The following ARHGAP29 variants were observed in gnomAD, a reference collection of about 807,000 sequenced individuals.
ARHGAP29 encodes Rho GTPase activating protein 29.
A neutral mutation model predicts 122.6 loss-of-function variants in ARHGAP29; 43 were observed. That is an observed-to-expected ratio of 0.35 (90% CI 0.27 to 0.45). The LOEUF (loss-of-function observed/expected upper bound fraction) is 0.45, where lower values mean the gene tolerates loss of function less well. Ranked by LOEUF, ARHGAP29 falls within the 20% of genes least tolerant of loss-of-function variation. The probability of loss-of-function intolerance (pLI) is 1.00; values close to 1 mark genes in which losing one functional copy is unlikely to be tolerated. For synonymous variants in ARHGAP29, 506 were observed against 497.1 expected, an observed-to-expected ratio of 1.02 and a Z score of -0.24; for missense variants, 1,303 against 1,477.2, an observed-to-expected ratio of 0.88 and a Z score of 1.93.
Position 94,209,353 on chromosome 1 carries a change from G to A in ARHGAP29, c.341-3C>T. 1.3e-6 allele frequency: 2 copies of A among 1,587,796 alleles called. No individual in the cohort carries two copies. The highest frequency in any genetic ancestry group is 1.1e-5 in the South Asian group (1 of 87,652). On this transcript the variant is annotated splice_polypyrimidine_tract_variant and splice_region_variant and intron_variant, in intron 3 of 22. Transcript: ENST00000260526. Reference sequence around the variant, plus strand: ...ATTAACTTCTGTGAAGTTCACAGCTGTAAGGAAAAGTTGGTTACAATAAGG... The same window carrying A: ...ATTAACTTCTGTGAAGTTCACAGCTATAAGGAAAAGTTGGTTACAATAAGG...
At chr1:94,304,959 C>A in the ARHGAP29 span, among the ~76,000 whole-genome samples, 40 of 152,302 alleles carry the variant, frequency 2.6e-4, no homozygotes, top group African/African-American at 9.1e-4. Flanking sequence ...TTGCTGATTA[C>A]ATTCTGAGAA....
At position 94,171,519 on chromosome 1, in the gene ARHGAP29, C is replaced by T. The variant is rs149403322; in HGVS notation, c.*2350G>A. On this transcript the variant is annotated 3_prime_UTR_variant, in exon 23 of 23. Coordinates refer to ENST00000260526, the MANE Select transcript of ARHGAP29 (RefSeq NM_004815.4). ...TGCTGTTGCCCTTTCCTTTTGGTCA[C>T]GTATCTTTCCATGTTGCAAAAAACA... Among the ~76,000 whole-genome samples the T allele has an allele frequency of 2.0e-5, 3 of 152,240 alleles. No individual in the cohort carries two copies. The highest frequency in any genetic ancestry group is 3.9e-4 in the East Asian group (2 of 5,170).
the ARHGAP29 span, among the ~76,000 whole-genome samples, chr1:94,303,343 G>A: frequency 5.9e-5 from 9 of 152,208 alleles, no homozygotes; most frequent in Non-Finnish European, 1.3e-4. Context: ...TGCAACTTAT[G>A]TGAAATGCCC....
chr1:94,202,380 A>G (rs536936642), intron 11 of ARHGAP29, 164 bp downstream of exon 11: 84 of 759,250 alleles, frequency 1.1e-4, no homozygotes, highest in South Asian at 6.6e-4. Flanking sequence ...CTGAGAGCCT[A>G]TTAAAAAATG....
At chr1:94,219,763 T>C (rs1050712402) in intron 3 of ARHGAP29, among the ~76,000 whole-genome samples, 7 of 152,218 alleles carry the variant, frequency 4.6e-5, no homozygotes, top group African/African-American at 7.2e-5. Context: ...TTAGCACATA[T>C]ATGCTATAGA....
At chr1:94,176,229 C>T (rs1649081564) in intron 22 of ARHGAP29, among the ~76,000 whole-genome samples, 1 of 152,218 alleles carries the variant, frequency 6.6e-6, no homozygotes, top group Non-Finnish European at 1.5e-5. Flanking sequence ...TATCACTGTC[C>T]TATGTGTCTT....
chr1:94,238,678 G>A (rs1185154279), upstream of ARHGAP29, among the ~76,000 whole-genome samples: 1 of 152,098 alleles, frequency 6.6e-6, no homozygotes, highest in Non-Finnish European at 1.5e-5. Flanking sequence ...GAAAGAAAAT[G>A]AGGTGCAGAC....
chr1:94,237,036 C>T (rs1653318281), intron 1 of ARHGAP29, among the ~76,000 whole-genome samples: 1 of 152,204 alleles, frequency 6.6e-6, no homozygotes, highest in Non-Finnish European at 1.5e-5. Flanking sequence ...CCGAGTCGAA[C>T]AATCATGGAG....
intron 8 of ARHGAP29, 98 bp downstream of exon 8, chr1:94,203,832 C>A: frequency 1.0e-6 from 1 of 957,638 alleles, no homozygotes; most frequent in Non-Finnish European, 1.6e-6. Flanking sequence ...CATTTAAGTG[C>A]TTTCCTATAT....
intron 1 of ARHGAP29, among the ~76,000 whole-genome samples, chr1:94,259,892 C>G (rs1369296364): frequency 6.6e-6 from 1 of 152,178 alleles, no homozygotes; most frequent in Non-Finnish European, 1.5e-5. Context: ...TCAAAGCTCC[C>G]AAGTCAAAAG....
the ARHGAP29 span, among the ~76,000 whole-genome samples, chr1:94,284,037 T>G: frequency 2.6e-5 from 4 of 151,944 alleles, no homozygotes; most frequent in South Asian, 8.3e-4. Context: ...CCAATCTATT[T>G]CTTCTTAGGT....
chr1:94,252,458 T>C (rs1348016089), intron 1 of ARHGAP29, among the ~76,000 whole-genome samples: 1 of 152,220 alleles, frequency 6.6e-6, no homozygotes, highest in Non-Finnish European at 1.5e-5. Context: ...CTGGGGTGTT[T>C]GTCCAAGATC....
At position 94,190,054 on chromosome 1, in the gene ARHGAP29, AT is replaced by A; in HGVS notation, c.1310del (p.His437LeufsTer46). The A allele has an allele frequency of 6.2e-7, 1 of 1,613,384 alleles. No individual in the cohort carries two copies. The highest frequency in any genetic ancestry group is 1.3e-5 in the African/African-American group (1 of 75,040). The stretch of plus-strand genomic sequence containing the variant: ...TGTCTGCAAGGGAAGCAGCCTGCAG[AT>A]GCTGCATGTGGAAGAGGTTAACTGT... The part of the protein sequence containing the change: ...AVTVNLFHMQ[H>X]LQAASLADSL... On this transcript the variant is annotated frameshift_variant, in exon 13 of 23. Coordinates refer to ENST00000260526, the MANE Select transcript of ARHGAP29 (RefSeq NM_004815.4). LOFTEE classifies it high-confidence loss of function.
chr1:94,258,088 A>G (rs940042270), intron 1 of ARHGAP29, among the ~76,000 whole-genome samples: 1 of 152,216 alleles, frequency 6.6e-6, no homozygotes, highest in African/African-American at 2.4e-5. Context: ...AGACAAACAG[A>G]GAGACAAGAC....
chr1:94,206,055 T>A (rs1651165838), intron 5 of ARHGAP29, among the ~76,000 whole-genome samples: 1 of 152,204 alleles, frequency 6.6e-6, no homozygotes, highest in Non-Finnish European at 1.5e-5. Flanking sequence ...CCTCTTCCAG[T>A]CATCTTTTAT....
chr1:94,208,936 G>A (rs1651398256), intron 4 of ARHGAP29, 32 bp from the exon 5 acceptor site: 1 of 1,570,104 alleles, frequency 6.4e-7, no homozygotes, highest in Non-Finnish European at 8.8e-7. Flanking sequence ...AGAAAGACAA[G>A]TCATTATACT....
At chr1:94,216,032 T>C (rs1651938235) in intron 3 of ARHGAP29, among the ~76,000 whole-genome samples, 1 of 152,168 alleles carries the variant, frequency 6.6e-6, no homozygotes, top group Admixed American at 6.5e-5. Context: ...CAGAGCTTTG[T>C]AACCAGTTCT....
chr1:94,179,592 CAAAAAAAAAAAAA>C (rs67114194), intron 20 of ARHGAP29, 120 bp downstream of exon 20: 11 of 220,902 alleles, frequency 5.0e-5, no homozygotes, highest in East Asian at 1.3e-4. Flanking sequence ...GACTCTGTCT[CAAAAAAAAAAAAA>C]AAAAAAAAAA....
At chr1:94,249,377 T>C (rs1478676914) in intron 1 of ARHGAP29, 1 of 152,268 alleles carries the variant, frequency 6.6e-6, no homozygotes, top group African/African-American at 2.4e-5. Flanking sequence ...ATATCCACTC[T>C]GCTTATTGAA....
Sources: gnomAD v4.1 joint callset for allele counts (sites outside exome capture counted in the v4.1 genomes callset) on GRCh38, gnomAD v4.1.1 for gene constraint, MANE v1.5 for transcripts, NCBI Gene and HGNC (gene_info 2026-07-23, HGNC 2026-07-21) for gene names.